Variants in ZNF229 observed in about 807,000 individuals in gnomAD.
ZNF229 encodes the protein zinc finger protein 229.
ZNF229 carries 10 observed loss-of-function variants against 11.8 expected under a neutral mutation model. The observed-to-expected ratio is 0.85, with a 90% CI of 0.52 to 1.44. The LOEUF (loss-of-function observed/expected upper bound fraction) is 1.44. Ranked by LOEUF, ZNF229 falls within the 40% of genes most tolerant of loss-of-function variation. ZNF229 has a pLI of 0.00. For missense variants in ZNF229, 1,045 were observed against 1,015.1 expected (o/e 1.03, Z -0.40); for synonymous variants, 368 against 374.8 (o/e 0.98, Z 0.21).
Position 44,428,754 on chromosome 19 carries a change from C to G in ZNF229, c.2027G>C (p.Arg676Pro). 6.2e-7 allele frequency: 1 copy of G among 1,613,982 alleles called. No homozygotes were observed. Among genetic ancestry groups the G allele is most frequent in the Non-Finnish European group, 8.5e-7 (1 of 1,180,024 alleles). Residue 676 changes from arginine (R) to proline (P), a missense_variant, in exon 6 of 6, where the codon CGA (arginine) becomes CCA (proline). Transcript: ENST00000614049. The stretch of plus-strand genomic sequence containing the variant: ...ATAGGGCTTTTTTCCCGTGTGGACT[C>G]GCTGATGTTTGTGAAGGCTTGATGT... The part of the protein sequence containing the change: ...RCTSSLHKHQ[R>P]VHTGKKPYTC...
rs5828196 is a variant in ZNF229, at chr19:44,440,727, C to CT, written c.93+1835dup. Among the ~76,000 whole-genome samples, 935 of 145,420 alleles carry CT rather than the reference C, an allele frequency of 6.4e-3. 10 individuals carry two copies. The highest frequency in any genetic ancestry group is 0.02 in the African/African-American group (798 of 39,382). ...GCAATTTGAACATAAAACCAACATT[C>CT]TTTTTTTTTTTTTTGAGACAGGGTC... On this transcript the variant is annotated intron_variant, in intron 4 of 5. Coordinates refer to ENST00000614049, the MANE Select transcript of ZNF229 (RefSeq NM_014518.4).
chr19:44,429,919 A>G lies in ZNF229; in HGVS notation c.862T>C (p.Leu288=), dbSNP rs1353618276. 6.2e-7 allele frequency: 1 copy of G among 1,613,920 alleles called. No homozygotes were observed. The highest frequency in any genetic ancestry group is 1.3e-5 in the African/African-American group (1 of 74,858). Residue 288 remains leucine (L), a synonymous_variant, in exon 6 of 6, where the codon TTG becomes CTG. Transcript: ENST00000614049. The part of the protein sequence containing the change: ...ADLPPHPRVP[L]KEKLCQYDEF... ...TCATATTGACAGAGTTTCTCTTTCA[A>G]AGGTACTCTTGGATGCGGGGGAAGG... is the stretch of plus-strand genomic sequence containing the variant.
In ZNF229 at chr19:44,429,327, C is replaced by T; in HGVS notation, c.1454G>A (p.Gly485Asp). Reference protein sequence around the residue: ...HLSSHQKTHTGERPYQCDKCG... With the variant: ...HLSSHQKTHTDERPYQCDKCG... The stretch of plus-strand genomic sequence containing the variant: ...CTTGTCACACTGGTAGGGCCTCTCG[C>T]CGGTGTGTGTCTTCTGATGACTGCT... Residue 485 changes from glycine to aspartate, a missense_variant, in exon 6 of 6, where the codon GGC (glycine) becomes GAC (aspartate). By Grantham distance (94) the Gly-to-Asp change is moderately conservative (BLOSUM62 -1). Transcript: ENST00000614049. 1.9e-6 allele frequency: 3 copies of T among 1,614,086 alleles called. No homozygotes were observed. The highest frequency in any genetic ancestry group is 1.1e-5 in the South Asian group (1 of 91,092).
chr19:44,429,798 C>G lies in ZNF229; in HGVS notation c.983G>C (p.Arg328Pro). 2 of 1,613,984 alleles carry G rather than the reference C, an allele frequency of 1.2e-6. No homozygotes were observed. The highest frequency in any genetic ancestry group is 1.7e-6 in the Non-Finnish European group (2 of 1,179,992). The change falls in exon 6 of 6, where the codon CGG becomes CCG. Residue 328 changes from arginine (R) to proline (P), a missense_variant. By Grantham distance (103) the Arg-to-Pro change is moderately radical. Transcript: ENST00000614049. Reference protein sequence around the residue: ...EKSVKSLERGRGVRQNTHIRN... With the variant: ...EKSVKSLERGPGVRQNTHIRN... ...TATGTGCGTGTTCTGTCTGACGCCC[C>G]GACCACGCTCAAGACTCTTAACAGA...
chr19:44,442,745 C>A, intron 3 of ZNF229, 69 bp downstream of exon 3: 1 of 1,606,020 alleles, frequency 6.2e-7, no homozygotes, highest in South Asian at 1.1e-5. Context: ...AATTCCTCAA[C>A]ATCCAACTTT....
In ZNF229 at chr19:44,428,342, G is replaced by A. The variant is rs768452689; in HGVS notation, c.2439C>T (p.Asn813=). Residue 813 remains asparagine (N), a synonymous_variant, in exon 6 of 6, where the codon AAC becomes AAT. Coordinates refer to ENST00000614049, the MANE Select transcript of ZNF229 (RefSeq NM_014518.4). ...TCTCGCCTAAATGCACTCTTTGGTG[G>A]TTCCGCAGACCTGAGGTATAACTGA... ...KGFSYTSGLR[N]HQRVHLGENP... is the part of the protein sequence containing the mutation. 1.2e-6 allele frequency: 2 copies of A among 1,613,682 alleles called. No individual in the cohort carries two copies. Among genetic ancestry groups the A allele is most frequent in the African/African-American group, 2.7e-5 (2 of 74,950 alleles).
At chr19:44,432,119 G>A (rs1971733355) in intron 5 of ZNF229, 103 bp downstream of exon 5, 11 of 1,484,212 alleles carry the variant, frequency 7.4e-6, no homozygotes, top group Non-Finnish European at 9.8e-6. Flanking sequence ...TACAGCAGCT[G>A]AAACTAAGAG....
Position 44,433,924 on chromosome 19 carries a change from G to A in ZNF229, c.94-1558C>T, listed in dbSNP as rs369671779. Among the ~76,000 whole-genome samples, 4 of 152,220 alleles carry A rather than the reference G, an allele frequency of 2.6e-5. No individual in the cohort carries two copies. The East Asian group carries it at 7.7e-4, about 29-fold the overall frequency. ...TGGGACTACAGGCATGTGCCACCAT[G>A]CCCAGCTAATTTTTTTGTATTTTTA... On this transcript the variant is annotated intron_variant, in intron 4 of 5. Coordinates refer to ENST00000614049, the MANE Select transcript of ZNF229 (RefSeq NM_014518.4).
intron 4 of ZNF229, among the ~76,000 whole-genome samples, chr19:44,435,342 C>T (rs1971794086): frequency 6.6e-6 from 1 of 152,124 alleles, no homozygotes; most frequent in African/African-American, 2.4e-5. Flanking sequence ...TATACAGTGA[C>T]ACTCATGGCT....
At position 44,448,355 on chromosome 19, in the gene ZNF229, G is replaced by GT. The variant is rs1333442073; in HGVS notation, c.-313dup. ...CGTGGGCTTCGACCCTCCGCCGCACGTTGTCCCTTCACACTGGTCCTATAG... is the reference window on the plus strand; with the variant it reads ...CGTGGGCTTCGACCCTCCGCCGCACGTTTGTCCCTTCACACTGGTCCTATAG... On this transcript the variant is annotated 5_prime_UTR_variant, in exon 1 of 6. Coordinates refer to ENST00000614049, the MANE Select transcript of ZNF229 (RefSeq NM_014518.4). 1 of 152,362 alleles carries GT rather than the reference G, an allele frequency of 6.6e-6. No homozygotes were observed. Among genetic ancestry groups the GT allele is most frequent in the Non-Finnish European group, 1.5e-5 (1 of 68,164 alleles). 9.4% of individuals were successfully genotyped at this position (152,362 alleles called of 1,614,324 possible).
intron 5 of ZNF229, 137 bp downstream of exon 5, chr19:44,432,085 A>G (rs1320717931): frequency 7.0e-7 from 1 of 1,430,340 alleles, no homozygotes; most frequent in Non-Finnish European, 9.2e-7. Flanking sequence ...TGTTGTTTAT[A>G]TGCCACTCAG....
Position 44,442,897 on chromosome 19 carries a change from CT to C in ZNF229, c.-51del, listed in dbSNP as rs760446354. Reference sequence around the variant, plus strand: ...GAGCAGCAGCAACTGTATTTATTCTCTGGTTTTCCTAAGCTGGAGACGCAGA... The same window carrying C: ...GAGCAGCAGCAACTGTATTTATTCTCGGTTTTCCTAAGCTGGAGACGCAGA... On this transcript the variant is annotated 5_prime_UTR_variant, in exon 3 of 6. An upstream open reading frame in the 5' UTR loses its in-frame stop. Coordinates refer to ENST00000614049, the MANE Select transcript of ZNF229 (RefSeq NM_014518.4). The C allele has an allele frequency of 5.2e-5, 81 of 1,569,020 alleles. No individual in the cohort carries two copies. The African/African-American group carries it at 1.0e-3, about 20-fold the overall frequency.
intron 4 of ZNF229, among the ~76,000 whole-genome samples, chr19:44,440,899 T>A (rs1971897313): frequency 6.6e-6 from 1 of 152,036 alleles, no homozygotes; most frequent in Non-Finnish European, 1.5e-5. Flanking sequence ...AATTTTTTAG[T>A]ATTTTTGTAG....
At chr19:44,437,723 C>T (rs1436745306) in intron 4 of ZNF229, among the ~76,000 whole-genome samples, 1 of 152,098 alleles carries the variant, frequency 6.6e-6, no homozygotes, top group Non-Finnish European at 1.5e-5. Context: ...AAACTAAATG[C>T]CCATCAACAG....
rs1971629418 is a variant in ZNF229, at chr19:44,428,595, C to G, written c.2186G>C (p.Ser729Thr). Reference sequence around the variant, plus strand: ...CTCGCCAGTGTGCACTCTCTTATGACTAAGGAGACCTGAGCCATATCTGAA... The same window carrying G: ...CTCGCCAGTGTGCACTCTCTTATGAGTAAGGAGACCTGAGCCATATCTGAA... Reference protein sequence around the residue: ...KGFRYGSGLLSHKRVHTGEKP... With the variant: ...KGFRYGSGLLTHKRVHTGEKP... Residue 729 changes from serine to threonine, a missense_variant, in exon 6 of 6, where the codon AGT becomes ACT. Transcript: ENST00000614049. 6.2e-7 allele frequency: 1 copy of G among 1,613,676 alleles called. No individual in the cohort carries two copies. The highest frequency in any genetic ancestry group is 8.5e-7 in the Non-Finnish European group (1 of 1,179,990).
intron 4 of ZNF229, among the ~76,000 whole-genome samples, chr19:44,438,276 T>C (rs147905693): frequency 3.8e-4 from 58 of 152,314 alleles, no homozygotes; most frequent in Middle Eastern, 3.4e-3. Flanking sequence ...ATAGCCAATA[T>C]ACATATGAAA....
intron 4 of ZNF229, among the ~76,000 whole-genome samples, chr19:44,432,659 G>A (rs1971745949): frequency 6.6e-6 from 1 of 151,384 alleles, no homozygotes. Context: ...ATGGACACAG[G>A]AAGGGGAACA....
Position 44,432,271 on chromosome 19 carries a change from C to T in ZNF229, c.189G>A (p.Met63Ile), listed in dbSNP as rs1163310962. 6.2e-7 allele frequency: 1 copy of T among 1,613,806 alleles called. No homozygotes were observed. Among genetic ancestry groups the T allele is most frequent in the East Asian group, 2.2e-5 (1 of 44,900 alleles). The change falls in exon 5 of 6, where the codon ATG becomes ATA. Residue 63 changes from methionine to isoleucine, a missense_variant. By Grantham distance (10) the Met-to-Ile change is conservative. Coordinates refer to ENST00000614049, the MANE Select transcript of ZNF229 (RefSeq NM_014518.4). ...AGAGTAGGTTCCTGAAATTCTCCTG[C>T]ATCACATCTTGGTACAGCTGCCTCT... ...STQRQLYQDV[M>I]QENFRNLLSV...
At position 44,428,824 on chromosome 19, in the gene ZNF229, C is replaced by A; in HGVS notation, c.1957G>T (p.Glu653Ter). Residue 653 changes from glutamate to a stop codon, truncating the protein, a stop_gained, in exon 6 of 6, where the codon GAG (glutamate) becomes TAG (stop). Transcript: ENST00000614049. LOFTEE classifies it low-confidence loss of function (END_TRUNC). ...LLIHQRVHTG[E>*]KPYRCQECGK... The stretch of plus-strand genomic sequence containing the variant: ...CACTCTTGGCATCTGTAAGGTTTCT[C>A]GCCTGTGTGGACTCTCTGGTGAATG... The A allele has an allele frequency of 6.2e-7, 1 of 1,613,398 alleles. No homozygotes were observed. Among genetic ancestry groups the A allele is most frequent in the South Asian group, 1.1e-5 (1 of 91,002 alleles).
Sources: gnomAD v4.1 joint callset for allele counts (sites outside exome capture counted in the v4.1 genomes callset) on GRCh38, gnomAD v4.1.1 for gene constraint, MANE v1.5 for transcripts, NCBI Gene and HGNC (gene_info 2026-07-23, HGNC 2026-07-21) for gene names.